Variants in CDK6 observed in about 807,000 individuals in gnomAD.
CDK6 encodes the protein cyclin-dependent kinase 6.
A neutral mutation model predicts 37.1 loss-of-function variants in CDK6; 6 were observed. The ratio of observed to expected loss-of-function variants is 0.16; its 90% CI spans 0.09 to 0.32. The LOEUF (loss-of-function observed/expected upper bound fraction) is 0.32. Ranked by LOEUF, CDK6 falls within the 10% of genes least tolerant of loss-of-function variation. CDK6 has a pLI of 1.00. For missense variants in CDK6, 224 were observed against 418.9 expected, an observed-to-expected ratio of 0.53 and a Z score of 4.06; for synonymous variants, 160 against 161.3, an observed-to-expected ratio of 0.99 and a Z score of 0.06.
At chr7:92,777,460 G>A (rs746152175) in intron 2 of CDK6, among the ~76,000 whole-genome samples, 1 of 152,174 alleles carries the variant, frequency 6.6e-6, no homozygotes, top group Non-Finnish European at 1.5e-5. Context: ...TGGTCAGACT[G>A]GTCTCAAACT....
rs143842442 is a variant in CDK6 at position 92,818,124 on chromosome 7, T to G, written c.233+14967A>C. Among the ~76,000 whole-genome samples, 24 of 151,790 alleles carry G rather than the reference T, an allele frequency of 1.6e-4. No homozygotes were observed. In the East Asian group the frequency reaches 4.0e-3, roughly 26 times the overall value. On this transcript the variant is annotated intron_variant, in intron 2 of 7. Transcript: ENST00000424848. The stretch of plus-strand genomic sequence containing the variant: ...TAACAAGCTGACTCTAAAATTTATA[T>G]GAAAATACAAAAGAAGAGCAACAAC...
chr7:92,635,392 A>G (rs1316911080), intron 5 of CDK6, among the ~76,000 whole-genome samples: 1 of 152,054 alleles, frequency 6.6e-6, no homozygotes, highest in Non-Finnish European at 1.5e-5. Flanking sequence ...TCTGTAACTG[A>G]TTAACAAATA....
intron 5 of CDK6, among the ~76,000 whole-genome samples, chr7:92,634,777 G>T (rs185026070): frequency 1.3e-5 from 2 of 152,088 alleles, no homozygotes; most frequent in East Asian, 3.9e-4. Context: ...CTACATTTTT[G>T]ATTTTTATAC....
chr7:92,656,953 TATTACC>T (rs1796712730), intron 5 of CDK6, among the ~76,000 whole-genome samples: 2 of 152,142 alleles, frequency 1.3e-5, no homozygotes, highest in Non-Finnish European at 2.9e-5. Context: ...TCCCCCAGTT[TATTACC>T]ATTAGATCAT....
chr7:92,780,659 G>T (rs1799963875), intron 2 of CDK6, among the ~76,000 whole-genome samples: 1 of 151,288 alleles, frequency 6.6e-6, no homozygotes, highest in Non-Finnish European at 1.5e-5. Context: ...TACTTGGGAG[G>T]CTGAGGCAGG....
chr7:92,722,298 G>A (rs1323441034), intron 4 of CDK6, among the ~76,000 whole-genome samples: 1 of 151,932 alleles, frequency 6.6e-6, no homozygotes, highest in Admixed American at 6.6e-5. Context: ...AAAACACAAG[G>A]GGCTAAAGAA....
intron 7 of CDK6, 52 bp from the exon 8 acceptor site, chr7:92,615,338 A>C (rs1795653276): frequency 3.5e-6 from 5 of 1,426,522 alleles, no homozygotes; most frequent in Non-Finnish European, 4.9e-6. Context: ...CAATGTAAAT[A>C]ATGTACTTAC....
At position 92,777,215 on chromosome 7, in the gene CDK6, A is replaced by G. The variant is rs545271595; in HGVS notation, c.234-2384T>C. ...TTTGTCAAAGATCAGATGGTTGTAG[A>G]TATGTGTCATTCTTTCTTGTTTTTT... is the stretch of plus-strand genomic sequence containing the variant. On this transcript the variant is annotated intron_variant, in intron 2 of 7. Coordinates refer to ENST00000424848, the MANE Select transcript of CDK6 (RefSeq NM_001145306.2). 2.0e-5 allele frequency among the ~76,000 whole-genome samples: 3 copies of G among 151,944 alleles called. No homozygotes were observed. In the East Asian group the frequency reaches 5.8e-4, roughly 29 times the overall value.
intron 3 of CDK6, among the ~76,000 whole-genome samples, chr7:92,741,034 C>T (rs1458136529): frequency 6.6e-6 from 1 of 152,164 alleles, no homozygotes; most frequent in Non-Finnish European, 1.5e-5. Flanking sequence ...AATACAAAGA[C>T]ATTCAGTGCT....
intron 2 of CDK6, among the ~76,000 whole-genome samples, chr7:92,810,473 A>G (rs753183466): frequency 5.3e-5 from 8 of 152,228 alleles, no homozygotes; most frequent in Non-Finnish European, 1.0e-4. Flanking sequence ...TATCTGCAAG[A>G]CGGGAATAAC....
At chr7:92,694,921 AAAT>A (rs1317026268) in intron 4 of CDK6, among the ~76,000 whole-genome samples, 1 of 152,196 alleles carries the variant, frequency 6.6e-6, no homozygotes, top group East Asian at 1.9e-4. Flanking sequence ...GTGTCTTTAG[AAAT>A]TACCAAAGAG....
intron 4 of CDK6, among the ~76,000 whole-genome samples, chr7:92,687,657 A>T (rs1463254870): frequency 6.6e-6 from 1 of 152,204 alleles, no homozygotes; most frequent in Non-Finnish European, 1.5e-5. Flanking sequence ...TAATTGCCTA[A>T]GGCATTTATT....
chr7:92,688,271 T>C (rs1301062096), intron 4 of CDK6, among the ~76,000 whole-genome samples: 1 of 152,168 alleles, frequency 6.6e-6, no homozygotes, highest in Non-Finnish European at 1.5e-5. Context: ...TTCCCAACCA[T>C]TCGAATTAGT....
chr7:92,802,815 T>C (rs1249952686), intron 2 of CDK6, among the ~76,000 whole-genome samples: 3 of 152,220 alleles, frequency 2.0e-5, no homozygotes, highest in Non-Finnish European at 4.4e-5. Flanking sequence ...AACACTGTTA[T>C]GGGGATACTG....
At chr7:92,640,818 C>A (rs1023680667) in intron 5 of CDK6, among the ~76,000 whole-genome samples, 2 of 152,134 alleles carry the variant, frequency 1.3e-5, no homozygotes, top group Non-Finnish European at 2.9e-5. Flanking sequence ...TATTCCACTT[C>A]CGGGAGTTAG....
At chr7:92,636,966 C>T (rs542596231) in intron 5 of CDK6, among the ~76,000 whole-genome samples, 1 of 152,174 alleles carries the variant, frequency 6.6e-6, no homozygotes, top group African/African-American at 2.4e-5. Context: ...GCGCCCAGCC[C>T]GATTGTATTT....
At chr7:92,717,204 G>A (rs142187265) in intron 4 of CDK6, among the ~76,000 whole-genome samples, 24 of 152,032 alleles carry the variant, frequency 1.6e-4, no homozygotes, top group African/African-American at 5.5e-4. Flanking sequence ...GTAGCTGGGC[G>A]TGGTGGTGTG....
intron 4 of CDK6, among the ~76,000 whole-genome samples, chr7:92,687,361 C>G (rs1797482402): frequency 6.6e-6 from 1 of 152,174 alleles, no homozygotes; most frequent in African/African-American, 2.4e-5. Context: ...TGACACACGG[C>G]AAGCATTCAA....
At chr7:92,699,049 T>C (rs1797784272) in intron 4 of CDK6, among the ~76,000 whole-genome samples, 1 of 152,194 alleles carries the variant, frequency 6.6e-6, no homozygotes, top group Non-Finnish European at 1.5e-5. Context: ...AGTATGCCCA[T>C]AACTATATTT....
Sources: allele counts gnomAD v4.1 joint callset (sites outside exome capture counted in the v4.1 genomes callset), GRCh38; gene constraint gnomAD v4.1.1; transcripts MANE v1.5; gene names NCBI Gene and HGNC (gene_info 2026-07-23, HGNC 2026-07-21).